Variants in TLR7 observed in about 807,000 individuals in gnomAD.
TLR7 encodes the protein toll like receptor 7, also known as toll-like receptor 7.
A neutral mutation model predicts 38.3 loss-of-function variants in TLR7; 12 were observed. The observed-to-expected ratio is 0.31, with a 90% CI of 0.20 to 0.51. The LOEUF (loss-of-function observed/expected upper bound fraction) is 0.51, where lower values mean the gene tolerates loss of function less well. Among genes scored for constraint, TLR7 ranks in the 20% least tolerant of loss-of-function variants. TLR7 has a pLI of 0.98. For missense variants in TLR7, 504 were observed against 743.4 expected (o/e 0.68, Z 3.74); for synonymous variants, 285 against 293.8 (o/e 0.97, Z 0.31).
At chrX:12,867,610 G>T (rs780631911) in intron 2 of TLR7, 29 bp downstream of exon 2, 5 of 1,189,185 alleles carry the variant, frequency 4.2e-6, no homozygotes, top group Non-Finnish European at 5.7e-6. Context: ...ACCTTAAAAA[G>T]TGTTATCTGT....
chrX:12,872,151 T>C (rs1188678291), intron 2 of TLR7, among the ~76,000 whole-genome samples: 2 of 111,799 alleles, frequency 1.8e-5, no homozygotes, highest in African/African-American at 3.3e-5. Context: ...ACCTAGACCA[T>C]CTGCTCCCAT....
chrX:12,883,483 G>T (rs981867879), intron 2 of TLR7, among the ~76,000 whole-genome samples: 8 of 111,658 alleles, frequency 7.2e-5, no homozygotes, highest in African/African-American at 2.6e-4. Context: ...GACTTTGGAT[G>T]CCATGATAAA....
In TLR7 at chrX:12,886,265, A is replaced by C. The variant is rs1602438990; in HGVS notation, c.757A>C (p.Ile253Leu). 8.3e-7 allele frequency: 1 copy of C among 1,211,719 alleles called. No individual in the cohort carries two copies. The highest frequency in any genetic ancestry group is 3.0e-5 in the East Asian group (1 of 33,869). ...DDFNNLNQLQ[I>L]LDLSGNCPRC... ...TTTTAATAACCTCAACCAATTACAA[A>C]TTCTTGACCTAAGTGGAAATTGCCC... Residue 253 changes from isoleucine to leucine, a missense_variant, in exon 3 of 3, where the codon ATT becomes CTT. Ile to Leu is a conservative substitution (Grantham distance 5). Transcript: ENST00000380659.
intron 2 of TLR7, among the ~76,000 whole-genome samples, chrX:12,881,057 T>C (rs745848139): frequency 1.8e-4 from 20 of 109,413 alleles, no homozygotes; most frequent in African/African-American, 6.6e-4. Flanking sequence ...TGAAACCCCG[T>C]CTCTACTAAA....
rs1162445332 is a variant in TLR7, at chrX:12,889,165, CG to C, written c.*508del. On this transcript the variant is annotated 3_prime_UTR_variant, in exon 3 of 3. Coordinates refer to ENST00000380659, the MANE Select transcript of TLR7 (RefSeq NM_016562.4). ...TTGTAATCCCAGCACTTTGGGAGGC[CG>C]AGGCAGGTGGATCACGAGGTCAGGA... The C allele has an allele frequency of 1.8e-5, 2 of 111,114 alleles. No individual in the cohort carries two copies. The highest frequency in any genetic ancestry group is 3.8e-5 in the Non-Finnish European group (2 of 53,139). 9.2% of individuals were successfully genotyped at this position (111,114 alleles called of 1,213,427 possible). A position where few individuals can be genotyped will look rare whatever the true frequency, so the allele number is the denominator to read the frequency against.
chrX:12,881,594 TC>T (rs2042892777), intron 2 of TLR7, among the ~76,000 whole-genome samples: 1 of 109,144 alleles, frequency 9.2e-6, no homozygotes, highest in Non-Finnish European at 1.9e-5. Context: ...AGTTATTTAT[TC>T]TTTTTTTTTT....
rs141270925 is a variant in TLR7 at position 12,888,199 on chromosome X, T to C, written c.2691T>C (p.Tyr897=). ...GTTGCTATGATGCTTTTATTGTGTA[T>C]GACACTAAAGACCCAGCTGTGACCG... ...PDCCYDAFIV[Y]DTKDPAVTEW... is the part of the protein sequence containing the mutation. The change falls in exon 3 of 3, where the codon TAT becomes TAC. Residue 897 remains tyrosine (Y), a synonymous_variant. Coordinates refer to ENST00000380659, the MANE Select transcript of TLR7 (RefSeq NM_016562.4). The C allele has an allele frequency of 1.0e-3, 1,216 of 1,210,000 alleles. No homozygotes were observed. Among genetic ancestry groups the C allele is most frequent in the Non-Finnish European group, 1.3e-3 (1,168 of 895,205 alleles).
Position 12,886,709 on chromosome X carries a change from G to T in TLR7, c.1201G>T (p.Val401Phe), listed in dbSNP as rs775294042. The T allele has an allele frequency of 8.3e-7, 1 of 1,211,202 alleles. No homozygotes were observed. The highest frequency in any genetic ancestry group is 1.1e-6 in the Non-Finnish European group (1 of 895,373). The change falls in exon 3 of 3, where the codon GTT (valine) becomes TTT (phenylalanine). Residue 401 changes from valine (V) to phenylalanine (F), a missense_variant. By Grantham distance (50) the Val-to-Phe change is conservative. Transcript: ENST00000380659. Reference protein sequence around the residue: ...SPLHNLQNLEVLDLGTNFIKI... With the variant: ...SPLHNLQNLEFLDLGTNFIKI... ...ATTACATAATCTTCAAAATCTTGAA[G>T]TTCTTGATCTTGGCACTAACTTTAT...
At chrX:12,882,845 C>A (rs2042897346) in intron 2 of TLR7, among the ~76,000 whole-genome samples, 1 of 111,833 alleles carries the variant, frequency 8.9e-6, no homozygotes, top group African/African-American at 3.3e-5. Flanking sequence ...CAGCGATCCT[C>A]CCACTTCTTC....
In TLR7 at chrX:12,888,569, G is replaced by A; in HGVS notation, c.3061G>A (p.Ala1021Thr). The A allele has an allele frequency of 1.7e-6, 2 of 1,211,544 alleles. No individual in the cohort carries two copies. The highest frequency in any genetic ancestry group is 2.2e-6 in the Non-Finnish European group (2 of 895,421). The change falls in exon 3 of 3, where the codon GCT becomes ACT. Residue 1021 changes from alanine (A) to threonine (T), a missense_variant. Coordinates refer to ENST00000380659, the MANE Select transcript of TLR7 (RefSeq NM_016562.4). ...SVLEWPTNPQ[A>T]HPYFWQCLKN... The stretch of plus-strand genomic sequence containing the variant: ...CCTTGAGTGGCCAACAAACCCGCAA[G>A]CTCACCCATACTTCTGGCAGTGTCT...
chrX:12,882,028 A>G lies in TLR7; in HGVS notation c.4-3484A>G, dbSNP rs1183644880. On this transcript the variant is annotated intron_variant, in intron 2 of 2. Coordinates refer to ENST00000380659, the MANE Select transcript of TLR7 (RefSeq NM_016562.4). ...GTAATGACCGGGCTGTGGGAAGAGG[A>G]GGAGAAAGATGATTTCAGGAATAGG... Among the ~76,000 whole-genome samples, 8 of 111,183 alleles carry G rather than the reference A, an allele frequency of 7.2e-5. No individual in the cohort carries two copies. The Admixed American group carries it at 7.7e-4, about 11-fold the overall frequency.
intron 2 of TLR7, among the ~76,000 whole-genome samples, chrX:12,881,885 C>T (rs186937886): frequency 5.3e-4 from 59 of 111,947 alleles, no homozygotes; most frequent in Non-Finnish European, 9.6e-4. Flanking sequence ...GTAAGTGCTA[C>T]GTAAGTTAAC....
At position 12,881,606 on chromosome X, in the gene TLR7, A is replaced by T. The variant is rs772150162; in HGVS notation, c.4-3906A>T. On this transcript the variant is annotated intron_variant, in intron 2 of 2. Transcript: ENST00000380659. ...CTGAGTTATTTATTCTTTTTTTTTT[A>T]ATAATTCCACTTAGAGTGGACAATC... Among the ~76,000 whole-genome samples the T allele has an allele frequency of 5.6e-5, 6 of 106,869 alleles. No homozygotes were observed. In the East Asian group the frequency reaches 1.7e-3, roughly 31 times the overall value. The allele number at this position is 106,869 out of a possible 115,157, so 92.8% of individuals were successfully genotyped here.
In TLR7 at chrX:12,885,950, C is replaced by T; in HGVS notation, c.442C>T (p.Pro148Ser). 17 of 1,212,073 alleles carry T rather than the reference C, an allele frequency of 1.4e-5. No homozygotes were observed. The highest frequency in any genetic ancestry group is 1.9e-5 in the Non-Finnish European group (17 of 895,503). Residue 148 changes from proline (P) to serine (S), a missense_variant, in exon 3 of 3, where the codon CCT becomes TCT. By Grantham distance (74) the Pro-to-Ser change is moderately conservative (BLOSUM62 -1). Coordinates refer to ENST00000380659, the MANE Select transcript of TLR7 (RefSeq NM_016562.4). The part of the protein sequence containing the change: ...QLLEIPQGLP[P>S]SLQLLSLEAN... The stretch of plus-strand genomic sequence containing the variant: ...ACTAGAGATACCGCAGGGCCTCCCG[C>T]CTAGCTTACAGCTTCTCAGCCTTGA...
At chrX:12,869,830 C>CAAA (rs34022797) in intron 2 of TLR7, among the ~76,000 whole-genome samples, 17 of 51,388 alleles carry the variant, frequency 3.3e-4, no homozygotes, top group East Asian at 7.2e-4. Flanking sequence ...TGCAGCCAGG[C>CAAA]AAAAAAAAAA....
intron 2 of TLR7, among the ~76,000 whole-genome samples, chrX:12,872,699 G>A (rs186032093): frequency 2.1e-4 from 23 of 110,310 alleles, no homozygotes; most frequent in Middle Eastern, 4.7e-3. Flanking sequence ...CTCTCCTTAC[G>A]TTCTTCCAAG....
At chrX:12,881,020 C>A (rs895513030) in intron 2 of TLR7, among the ~76,000 whole-genome samples, 1 of 109,722 alleles carries the variant, frequency 9.1e-6, no homozygotes, top group Non-Finnish European at 1.9e-5. Flanking sequence ...TGGGGTCAGG[C>A]ATTCCAGACC....
At position 12,872,640 on chromosome X, in the gene TLR7, C is replaced by A. The variant is rs557780197; in HGVS notation, c.3+5059C>A. 1.4e-4 allele frequency among the ~76,000 whole-genome samples: 16 copies of A among 110,702 alleles called. No individual in the cohort carries two copies. The South Asian group carries it at 5.4e-3, about 38-fold the overall frequency. On this transcript the variant is annotated intron_variant, in intron 2 of 2. Transcript: ENST00000380659. ...CCTGTGAACTACCCACCATGTCTTT[C>A]GTCCTCTTGACAGGAAACCTCCTAG... is the stretch of plus-strand genomic sequence containing the variant.
intron 2 of TLR7, among the ~76,000 whole-genome samples, chrX:12,873,770 T>G (rs5743739): frequency 0.022 from 2,458 of 112,280 alleles, 68 homozygotes; most frequent in African/African-American, 0.075. Flanking sequence ...TTATCATAAA[T>G]GCATTATATG....
Sources: gnomAD v4.1 joint callset for allele counts (sites outside exome capture counted in the v4.1 genomes callset) on GRCh38, gnomAD v4.1.1 for gene constraint, MANE v1.5 for transcripts, NCBI Gene and HGNC (gene_info 2026-07-23, HGNC 2026-07-21) for gene names.